Variants in OPA1 observed in about 807,000 individuals in gnomAD.
OPA1 encodes the protein OPA1 mitochondrial dynamin like GTPase, also known as dynamin-like GTPase OPA1, mitochondrial.
In OPA1, 59 loss-of-function variants were observed where a neutral mutation model predicts 152.9. The ratio of observed to expected loss-of-function variants is 0.39; its 90% CI spans 0.31 to 0.48. The LOEUF is 0.48. Ranked by LOEUF, OPA1 falls within the 20% of genes least tolerant of loss-of-function variation. The pLI is 0.96. For synonymous variants in OPA1, 400 were observed against 389.9 expected, an observed-to-expected ratio of 1.03 and a Z score of -0.31; for missense variants, 1,008 against 1,216.8, an observed-to-expected ratio of 0.83 and a Z score of 2.55.
intron 6 of OPA1, among the ~76,000 whole-genome samples, chr3:193,623,791 TTCTTCC>T (rs370634303): frequency 2.8e-4 from 43 of 152,334 alleles, no homozygotes; most frequent in African/African-American, 9.6e-4. Context: ...GTGCATAGAT[TTCTTCC>T]TCTTCCTGTT....
chr3:193,687,101 G>A (rs145842743), intron 29 of OPA1, among the ~76,000 whole-genome samples: 486 of 152,232 alleles, frequency 3.2e-3, no homozygotes, highest in South Asian at 4.6e-3. Context: ...CTATATTTGA[G>A]ACTTTTAGAG....
chr3:193,693,372 G>C (rs1186910297), intron 30 of OPA1, among the ~76,000 whole-genome samples: 1 of 152,184 alleles, frequency 6.6e-6, no homozygotes, highest in Admixed American at 6.5e-5. Flanking sequence ...CAGTGCGGTG[G>C]CTCACTCCTG....
rs891710285 is a variant in OPA1, at chr3:193,646,045, A to C, written c.1754+245A>C. On this transcript the variant is annotated intron_variant, in intron 18 of 30. Transcript: ENST00000361510. ...TCCTTGGACGTGGGCACTGAAAGAC[A>C]ACATAGATATCTGCCTCTTACTTTA... is the stretch of plus-strand genomic sequence containing the variant. Among the ~76,000 whole-genome samples, 16 of 140,716 alleles carry C rather than the reference A, an allele frequency of 1.1e-4. 1 individual carries two copies. The highest frequency in any genetic ancestry group is 2.9e-4 in the African/African-American group (11 of 38,288). The allele number at this position is 140,716 out of a possible 152,430, so 92.3% of individuals were successfully genotyped here. A position where few individuals can be genotyped will look rare whatever the true frequency, so the allele number is the denominator to read the frequency against.
rs774076248 is a variant in OPA1 at position 193,692,172 on chromosome 3, T to C, written c.*5+40T>C. 4.0e-6 allele frequency: 4 copies of C among 1,005,014 alleles called. No individual in the cohort carries two copies. In the South Asian group the frequency reaches 5.5e-5, roughly 14 times the overall value. The allele number at this position is 1,005,014 out of a possible 1,614,324, so 62.3% of individuals were successfully genotyped here. ...TCTAACTGTATTGGTGCTGACTAAA[T>C]ACAAAATTACACTTTTCTTAATAGT... On this transcript the variant is annotated intron_variant, in intron 30 of 30. Transcript: ENST00000361510.
intron 26 of OPA1, 51 bp from the exon 27 acceptor site, chr3:193,664,829 T>C (rs1268743213): frequency 2.0e-6 from 2 of 979,754 alleles, no homozygotes; most frequent in South Asian, 1.3e-5. Flanking sequence ...GTGTGGTTGA[T>C]CAACATGAAG....
chr3:193,687,071 A>C (rs1231435931), intron 29 of OPA1, among the ~76,000 whole-genome samples: 1 of 152,218 alleles, frequency 6.6e-6, no homozygotes, highest in Non-Finnish European at 1.5e-5. Flanking sequence ...AGTGTATTCA[A>C]AACCTAATTA....
chr3:193,653,285 G>C (rs1259158018), intron 21 of OPA1, among the ~76,000 whole-genome samples: 1 of 152,180 alleles, frequency 6.6e-6, no homozygotes, highest in African/African-American at 2.4e-5. Flanking sequence ...GATCTGTGTT[G>C]ATTGATTCAG....
intron 10 of OPA1, 57 bp from the exon 11 acceptor site, chr3:193,637,895 T>C: frequency 7.3e-7 from 1 of 1,367,988 alleles, no homozygotes. Context: ...CAAATAGGTT[T>C]TAATTTTAAT....
Position 193,605,577 on chromosome 3 carries a change from A to G in OPA1, c.33-9146A>G, listed in dbSNP as rs187548047. ...CATAAACATTAGGTGTTTTCGAAAG[A>G]TCAGGGGTATTACAGGCTTGAGTTT... On this transcript the variant is annotated intron_variant, in intron 1 of 30. Coordinates refer to ENST00000361510, the MANE Select transcript of OPA1 (RefSeq NM_130837.3). 2.6e-5 allele frequency among the ~76,000 whole-genome samples: 4 copies of G among 152,300 alleles called. No homozygotes were observed. The East Asian group carries it at 7.7e-4, about 29-fold the overall frequency.
rs936344701 is a variant in OPA1, at chr3:193,595,973, A to G, written c.32+2564A>G. On this transcript the variant is annotated intron_variant, in intron 1 of 30. Coordinates refer to ENST00000361510, the MANE Select transcript of OPA1 (RefSeq NM_130837.3). ...ACACTTTTTTATTTTTAAATTATAT[A>G]TGTATCTGTACTAATTATTTACATT... is the stretch of plus-strand genomic sequence containing the variant. Among the ~76,000 whole-genome samples the G allele has an allele frequency of 2.0e-5, 3 of 152,122 alleles. No individual in the cohort carries two copies. In the South Asian group the frequency reaches 6.2e-4, roughly 31 times the overall value.
chr3:193,625,283 G>A (rs775052008), intron 6 of OPA1, among the ~76,000 whole-genome samples: 1 of 151,806 alleles, frequency 6.6e-6, no homozygotes, highest in South Asian at 2.1e-4. Flanking sequence ...TTGTGCATAG[G>A]TCCAAACTGT....
chr3:193,680,420 C>T (rs1719945393), intron 29 of OPA1, among the ~76,000 whole-genome samples: 1 of 152,192 alleles, frequency 6.6e-6, no homozygotes, highest in Admixed American at 6.5e-5. Flanking sequence ...CATGCAGTTA[C>T]AATCTTGACC....
chr3:193,689,496 T>A (rs1721386980), intron 29 of OPA1, among the ~76,000 whole-genome samples: 1 of 152,220 alleles, frequency 6.6e-6, no homozygotes, highest in African/African-American at 2.4e-5. Context: ...GTCTTTTTGC[T>A]TTTATTTAGG....
intron 29 of OPA1, among the ~76,000 whole-genome samples, chr3:193,685,781 T>G (rs1577396506): frequency 6.6e-6 from 1 of 152,146 alleles, no homozygotes; most frequent in African/African-American, 2.4e-5. Context: ...CAAAAAAAAT[T>G]TAAAAGATGA....
chr3:193,654,492 C>A (rs1713306342), intron 21 of OPA1, among the ~76,000 whole-genome samples: 1 of 145,872 alleles, frequency 6.9e-6, no homozygotes, highest in Non-Finnish European at 1.5e-5. Flanking sequence ...TAAGCAAGAC[C>A]CTGTCTCAAA....
chr3:193,611,233 G>A (rs186598359), intron 1 of OPA1, among the ~76,000 whole-genome samples: 21 of 152,348 alleles, frequency 1.4e-4, no homozygotes, highest in Non-Finnish European at 7.3e-5. Context: ...CCTGGTCCCT[G>A]TAACTGTTGC....
At chr3:193,669,067 T>G (rs1717333906) in intron 29 of OPA1, 1 of 183,426 alleles carries the variant, frequency 5.5e-6, no homozygotes, top group Non-Finnish European at 1.1e-5. Flanking sequence ...AAAGCAGATA[T>G]CGTTAATAAA....
chr3:193,665,054 T>A (rs956329867), intron 27 of OPA1, 58 bp downstream of exon 27: 9 of 931,560 alleles, frequency 9.7e-6, no homozygotes, highest in Non-Finnish European at 1.6e-5. Context: ...AAAATATGCT[T>A]AAAAGTAAAC....
At chr3:193,661,830 T>C (rs948185148) in intron 25 of OPA1, among the ~76,000 whole-genome samples, 3 of 152,194 alleles carry the variant, frequency 2.0e-5, no homozygotes, top group African/African-American at 7.2e-5. Context: ...CGATTTCCTT[T>C]CCATCTCAGA....
Sources: gnomAD v4.1 joint callset for allele counts (sites outside exome capture counted in the v4.1 genomes callset) on GRCh38, gnomAD v4.1.1 for gene constraint, MANE v1.5 for transcripts, NCBI Gene and HGNC (gene_info 2026-07-23, HGNC 2026-07-21) for gene names.